The following DLGAP2 variants were observed in gnomAD, a reference collection of about 807,000 sequenced individuals.
The protein encoded by DLGAP2 is DLG associated protein 2.
DLGAP2 carries 26 observed loss-of-function variants against 100.3 expected under a neutral mutation model. The ratio of observed to expected loss-of-function variants is 0.26; its 90% CI spans 0.19 to 0.36. DLGAP2 has a LOEUF of 0.36. Among genes scored for constraint, DLGAP2 ranks in the 10% least tolerant of loss-of-function variants. DLGAP2 has a pLI of 1.00. For missense variants in DLGAP2, 1,858 were observed against 1,453.2 expected, an observed-to-expected ratio of 1.28 and a Z score of -4.53; for synonymous variants, 886 against 630.1, an observed-to-expected ratio of 1.41 and a Z score of -6.08.
chr8:1,688,322 C>G (rs1355239409), intron 12 of DLGAP2: 1 of 152,242 alleles, frequency 6.6e-6, no homozygotes, highest in Non-Finnish European at 1.5e-5. Flanking sequence ...GCACAAGGCC[C>G]CGGTGTTAAG....
intron 3 of DLGAP2, among the ~76,000 whole-genome samples, chr8:1,311,046 AG>A (rs1800602414): frequency 1.3e-5 from 2 of 151,916 alleles, no homozygotes; most frequent in African/African-American, 2.4e-5. Flanking sequence ...ACACTGACAA[AG>A]AAAAAAAAAA....
At chr8:1,568,188 T>C (rs372438140) in intron 6 of DLGAP2, among the ~76,000 whole-genome samples, 1,090 of 45,306 alleles carry the variant, frequency 0.024, no homozygotes, top group Middle Eastern at 0.065. Flanking sequence ...GACACAAATC[T>C]GTCTCTGCCT....
intron 1 of DLGAP2, among the ~76,000 whole-genome samples, chr8:823,829 T>C (rs1001661707): frequency 1.2e-4 from 18 of 151,094 alleles, no homozygotes; most frequent in Admixed American, 1.2e-3. Flanking sequence ...ACGGGGGAGG[T>C]CAAGAGTCTG....
chr8:1,634,683 G>C (rs1393368228), intron 8 of DLGAP2, among the ~76,000 whole-genome samples: 2 of 152,138 alleles, frequency 1.3e-5, no homozygotes, highest in Admixed American at 6.5e-5. Flanking sequence ...TGTCTCTTAG[G>C]AGCAAGTAAA....
chr8:1,242,924 A>G (rs925031696), intron 2 of DLGAP2, among the ~76,000 whole-genome samples: 7 of 98,964 alleles, frequency 7.1e-5, no homozygotes, highest in African/African-American at 2.6e-4. Context: ...GGACAGATAG[A>G]CAGTGGATGG....
chr8:927,081 G>T, intron 2 of DLGAP2: 1 of 985,434 alleles, frequency 1.0e-6, no homozygotes, highest in Non-Finnish European at 1.2e-6. Flanking sequence ...CCTCGTGGGA[G>T]GGCCCCAGTG....
chr8:1,339,505 C>A (rs545359233), intron 3 of DLGAP2, among the ~76,000 whole-genome samples: 1 of 152,216 alleles, frequency 6.6e-6, no homozygotes, highest in African/African-American at 2.4e-5. Context: ...GGAACCGCAG[C>A]ACTGTCCCCT....
intron 2 of DLGAP2, among the ~76,000 whole-genome samples, chr8:981,189 T>C (rs928796019): frequency 5.3e-5 from 8 of 152,290 alleles, no homozygotes; most frequent in African/African-American, 1.7e-4. Context: ...CTTTGGTGCC[T>C]GGCTTATTTC....
chr8:1,008,918 G>T (rs978522436), intron 2 of DLGAP2, among the ~76,000 whole-genome samples: 1 of 152,248 alleles, frequency 6.6e-6, no homozygotes, highest in Non-Finnish European at 1.5e-5. Flanking sequence ...ATGCAACCCT[G>T]TGAGGAGCTG....
chr8:1,100,916 C>G (rs1804556911), intron 2 of DLGAP2, among the ~76,000 whole-genome samples: 1 of 152,220 alleles, frequency 6.6e-6, no homozygotes, highest in African/African-American at 2.4e-5. Flanking sequence ...TGCTTTATAG[C>G]TGTTCCAGTG....
At chr8:1,505,700 C>G (rs1036574797) in intron 4 of DLGAP2, among the ~76,000 whole-genome samples, 2 of 152,164 alleles carry the variant, frequency 1.3e-5, no homozygotes, top group South Asian at 4.1e-4. Context: ...AAAAACCTCA[C>G]TTTTTCCAGA....
intron 2 of DLGAP2, among the ~76,000 whole-genome samples, chr8:928,626 T>C (rs1239810913): frequency 1.3e-5 from 2 of 151,920 alleles, no homozygotes; most frequent in Non-Finnish European, 2.9e-5. Flanking sequence ...TAAAAAAAAA[T>C]AAAGCACAGG....
intron 7 of DLGAP2, among the ~76,000 whole-genome samples, chr8:1,627,843 C>T (rs1797545346): frequency 6.6e-6 from 1 of 151,708 alleles, no homozygotes; most frequent in Admixed American, 6.6e-5. Flanking sequence ...GGATTAAGAG[C>T]CTGAGCCGAC....
rs796672302 is a variant in DLGAP2, at chr8:1,254,980, T to C, written c.74-3871T>C. 6.5e-3 allele frequency among the ~76,000 whole-genome samples: 672 copies of C among 103,562 alleles called. 19 individuals carry two copies. Among genetic ancestry groups the C allele is most frequent in the Middle Eastern group, 0.035 (7 of 202 alleles). 67.9% of individuals were successfully genotyped at this position (103,562 alleles called of 152,430 possible). On this transcript the variant is annotated intron_variant, in intron 2 of 14. Transcript: ENST00000637795. Reference sequence around the variant, plus strand: ...TGTGTGTCCTCTCATCCTGTCCGGGTGCTGTGTGTGTGTCCTCTCATCCTG... The same window carrying C: ...TGTGTGTCCTCTCATCCTGTCCGGGCGCTGTGTGTGTGTCCTCTCATCCTG...
At chr8:960,252 T>TTTTTTTTTTTTTTTTTTTTTTA (rs369284313) in intron 2 of DLGAP2, among the ~76,000 whole-genome samples, 1 of 142,018 alleles carries the variant, frequency 7.0e-6, no homozygotes, top group East Asian at 2.1e-4. Context: ...TTTTTTTTTT[T>TTTTTTTTTTTTTTTTTTTTTTA]CCCGAGACAC....
chr8:913,598 T>A (rs1408399198), intron 2 of DLGAP2, among the ~76,000 whole-genome samples: 1 of 152,248 alleles, frequency 6.6e-6, no homozygotes, highest in Non-Finnish European at 1.5e-5. Flanking sequence ...TGCCTTTTTA[T>A]AATGCTTTCC....
intron 3 of DLGAP2, among the ~76,000 whole-genome samples, chr8:1,433,718 C>T (rs7815932): frequency 0.22 from 32,039 of 146,588 alleles, 3,822 homozygotes; most frequent in Middle Eastern, 0.31. Context: ...AAGATAAATA[C>T]ACAGATGAGG....
At chr8:1,389,627 T>A (rs1796300748) in intron 3 of DLGAP2, among the ~76,000 whole-genome samples, 1 of 152,108 alleles carries the variant, frequency 6.6e-6, no homozygotes, top group South Asian at 2.1e-4. Context: ...AAAAAGCTGA[T>A]GATGAAATGC....
intron 2 of DLGAP2, among the ~76,000 whole-genome samples, chr8:1,111,442 T>C (rs1804956074): frequency 6.6e-6 from 1 of 152,112 alleles, no homozygotes; most frequent in Non-Finnish European, 1.5e-5. Flanking sequence ...ATGTGAAGGC[T>C]TCTTACTTAG....
Sources: allele counts gnomAD v4.1 joint callset (sites outside exome capture counted in the v4.1 genomes callset), GRCh38; gene constraint gnomAD v4.1.1; transcripts MANE v1.5; gene names NCBI Gene and HGNC (gene_info 2026-07-23, HGNC 2026-07-21).